The following TBCE variants were observed in gnomAD, a reference collection of about 807,000 sequenced individuals.
TBCE encodes the protein tubulin folding cofactor E.
A neutral mutation model predicts 77.0 loss-of-function variants in TBCE; 53 were observed. That is an observed-to-expected ratio of 0.69 (90% CI 0.55 to 0.87). TBCE has a LOEUF of 0.87. Ranked by LOEUF, TBCE falls within the 40% of genes least tolerant of loss-of-function variation. The pLI is 0.00. For synonymous variants in TBCE, 235 were observed against 241.3 expected (o/e 0.97, Z 0.24); for missense variants, 624 against 622.4 (o/e 1.00, Z -0.03).
chr1:235,414,511 C>G lies in TBCE; in HGVS notation c.264C>G (p.Arg88=). The G allele has an allele frequency of 6.2e-7, 1 of 1,613,686 alleles. No homozygotes were observed. Among genetic ancestry groups the G allele is most frequent in the Non-Finnish European group, 8.5e-7 (1 of 1,179,960 alleles). ...ACTTTCTTACTGCAATTAAGAACCG[C>G]TATGTGTTAGAAGATGGACCAGAGG... is the stretch of plus-strand genomic sequence containing the variant. ...GTDFLTAIKN[R]YVLEDGPEED... The change falls in exon 4 of 17, where the codon CGC becomes CGG. Residue 88 remains arginine (R), a synonymous_variant. Coordinates refer to ENST00000642610, the MANE Select transcript of TBCE (RefSeq NM_003193.5).
chr1:235,406,391 G>GGTTTATT (rs1679428836), intron 3 of TBCE, among the ~76,000 whole-genome samples: 1 of 152,150 alleles, frequency 6.6e-6, no homozygotes, highest in African/African-American at 2.4e-5. Context: ...GGTTTACAGT[G>GGTTTATT]TCAAAATAAA....
chr1:235,380,238 G>A (rs1677554223), intron 2 of TBCE, 89 bp downstream of exon 2: 1 of 1,331,444 alleles, frequency 7.5e-7, no homozygotes, highest in Non-Finnish European at 1.1e-6. Context: ...TTCTGTGTAA[G>A]CTTCTCAGTA....
chr1:235,405,645 AG>A (rs1679382288), intron 3 of TBCE, among the ~76,000 whole-genome samples: 1 of 152,120 alleles, frequency 6.6e-6, no homozygotes, highest in East Asian at 1.9e-4. Flanking sequence ...CAAAAAAAAA[AG>A]AAAAAATAGA....
intron 12 of TBCE, 91 bp from the exon 13 acceptor site, chr1:235,438,678 G>C (rs1681622059): frequency 2.1e-6 from 3 of 1,452,988 alleles, no homozygotes; most frequent in Non-Finnish European, 2.9e-6. Flanking sequence ...TTTTCTGCAT[G>C]TGCTATGGAG....
rs868631268 is a variant in TBCE at position 235,380,274 on chromosome 1, A to G, written c.100+125A>G. ...GCACTTTATACCACAAATTTTGACGAAATTAACAACTAATTTATAGGTGCC... is the reference window on the plus strand; with the variant it reads ...GCACTTTATACCACAAATTTTGACGGAATTAACAACTAATTTATAGGTGCC... On this transcript the variant is annotated intron_variant, in intron 2 of 16. Transcript: ENST00000642610. The G allele has an allele frequency of 3.1e-5, 27 of 871,396 alleles. No individual in the cohort carries two copies. In the Middle Eastern group the frequency reaches 4.5e-3, roughly 146 times the overall value. 54.0% of individuals were successfully genotyped at this position (871,396 alleles called of 1,614,324 possible). A position where few individuals can be genotyped will look rare whatever the true frequency, so the allele number is the denominator to read the frequency against.
chr1:235,391,493 G>A (rs1382079990), intron 2 of TBCE, among the ~76,000 whole-genome samples: 1 of 148,662 alleles, frequency 6.7e-6, no homozygotes, highest in Non-Finnish European at 1.5e-5. Context: ...AAAAAAAAAA[G>A]CGTAGACAAA....
At position 235,378,026 on chromosome 1, in the gene TBCE, A is replaced by G. The variant is rs1677402846; in HGVS notation, c.-31-1993A>G. Among the ~76,000 whole-genome samples, 3 of 152,296 alleles carry G rather than the reference A, an allele frequency of 2.0e-5. No individual in the cohort carries two copies. The South Asian group carries it at 6.2e-4, about 32-fold the overall frequency. ...AATAACAAAGGCCTCAGATATCTATATACCAATGGAGTTTGTGGGTAGTCA... is the reference window on the plus strand; with the variant it reads ...AATAACAAAGGCCTCAGATATCTATGTACCAATGGAGTTTGTGGGTAGTCA... On this transcript the variant is annotated intron_variant, in intron 1 of 16. Coordinates refer to ENST00000642610, the MANE Select transcript of TBCE (RefSeq NM_003193.5).
chr1:235,422,757 A>T (rs191982175), intron 5 of TBCE, among the ~76,000 whole-genome samples: 24 of 152,276 alleles, frequency 1.6e-4, no homozygotes, highest in African/African-American at 5.5e-4. Context: ...TGAACCTGGG[A>T]GGCAGAGGTT....
chr1:235,432,988 C>T (rs1328855787), intron 7 of TBCE: 11 of 1,500,946 alleles, frequency 7.3e-6, no homozygotes, highest in Non-Finnish European at 8.0e-6. Flanking sequence ...TCTCGACATG[C>T]AGAAAGACGC....
rs145256959 is a variant in TBCE, at chr1:235,448,991, A to G, written c.*229A>G. On this transcript the variant is annotated 3_prime_UTR_variant, in exon 17 of 17. Transcript: ENST00000642610. ...TAATGATTTTCTGATCTTATTTCAT[A>G]TTTATTTTTACAGCTCATCACTGCA... 4,966 of 454,208 alleles carry G rather than the reference A, an allele frequency of 0.011. 35 individuals are homozygous for G. The highest frequency in any genetic ancestry group is 0.017 in the Middle Eastern group (31 of 1,838). The allele number at this position is 454,208 out of a possible 1,614,324, so 28.1% of individuals were successfully genotyped here. A position where few individuals can be genotyped will look rare whatever the true frequency, so the allele number is the denominator to read the frequency against.
intron 2 of TBCE, among the ~76,000 whole-genome samples, chr1:235,383,692 C>T (rs1408312916): frequency 2.6e-4 from 40 of 152,194 alleles, no homozygotes; most frequent in Non-Finnish European, 5.9e-4. Context: ...GCTGAAGTTG[C>T]TTATCAGCTT....
chr1:235,404,279 GA>G (rs966932550), intron 3 of TBCE, among the ~76,000 whole-genome samples: 101 of 110,530 alleles, frequency 9.1e-4, no homozygotes, highest in African/African-American at 2.8e-3. Context: ...TCCGGCTCAA[GA>G]AAAAAAAAAA....
chr1:235,434,303 C>T, intron 8 of TBCE, 23 bp downstream of exon 8: 1 of 1,552,924 alleles, frequency 6.4e-7, no homozygotes, highest in South Asian at 1.1e-5. Context: ...TACTTAAATG[C>T]ATCTATCCCC....
intron 11 of TBCE, 55 bp from the exon 12 acceptor site, chr1:235,437,267 G>T (rs1401453199): frequency 1.8e-5 from 29 of 1,612,120 alleles, no homozygotes; most frequent in Non-Finnish European, 2.4e-5. Flanking sequence ...TCAAACTTCT[G>T]CAAAAGTGGC....
rs1218546369 is a variant in TBCE at position 235,403,534 on chromosome 1, C to A, written c.185+1947C>A. Among the ~76,000 whole-genome samples, 7 of 152,244 alleles carry A rather than the reference C, an allele frequency of 4.6e-5. No individual in the cohort carries two copies. In the South Asian group the frequency reaches 1.0e-3, roughly 23 times the overall value. On this transcript the variant is annotated intron_variant, in intron 3 of 16. Transcript: ENST00000642610. ...GAAAGGACTTTTTATTTGGAACTTA[C>A]CCCAGCCTACTTCCTTCTTGTAAAA...
intron 1 of TBCE, among the ~76,000 whole-genome samples, chr1:235,377,034 C>G (rs761646653): frequency 2.6e-5 from 4 of 152,116 alleles, no homozygotes; most frequent in African/African-American, 4.8e-5. Context: ...GATTATTTCT[C>G]TTTTGCTTTT....
intron 1 of TBCE, among the ~76,000 whole-genome samples, chr1:235,375,967 G>A (rs1375688178): frequency 2.0e-5 from 3 of 152,158 alleles, no homozygotes; most frequent in Non-Finnish European, 2.9e-5. Flanking sequence ...AGAATCGCTT[G>A]AACCCGGGCG....
rs758116359 is a variant in TBCE at position 235,414,629 on chromosome 1, T to A, written c.371+11T>A. On this transcript the variant is annotated intron_variant, in intron 4 of 16. Transcript: ENST00000642610. ...TATGAAACAGCAAAGGTAAGTGGAGTTTATAACGGCAGAGCTGACTTTTAT... is the reference window on the plus strand; with the variant it reads ...TATGAAACAGCAAAGGTAAGTGGAGATTATAACGGCAGAGCTGACTTTTAT... 28 of 1,612,918 alleles carry A rather than the reference T, an allele frequency of 1.7e-5. No individual in the cohort carries two copies. In the South Asian group the frequency reaches 3.0e-4, roughly 17 times the overall value.
rs187311016 is a variant in TBCE, at chr1:235,410,924, A to G, written c.186-3509A>G. Among the ~76,000 whole-genome samples, 420 of 152,348 alleles carry G rather than the reference A, an allele frequency of 2.8e-3. 5 individuals carry two copies. Among genetic ancestry groups the G allele is most frequent in the Non-Finnish European group, 1.0e-3 (70 of 68,032 alleles). On this transcript the variant is annotated intron_variant, in intron 3 of 16. Coordinates refer to ENST00000642610, the MANE Select transcript of TBCE (RefSeq NM_003193.5). ...GACAAAAGGTATATCTGGAAGATTA[A>G]TAAGTGTTCAGTTTAAGAAAACATT...
Sources: allele counts gnomAD v4.1 joint callset (sites outside exome capture counted in the v4.1 genomes callset), GRCh38; gene constraint gnomAD v4.1.1; transcripts MANE v1.5; gene names NCBI Gene and HGNC (gene_info 2026-07-23, HGNC 2026-07-21).